The following CAMKMT variants were observed in gnomAD, a reference collection of about 807,000 sequenced individuals.
The protein encoded by CAMKMT is calmodulin-lysine N-methyltransferase.
In CAMKMT, 53 loss-of-function variants were observed where a neutral mutation model predicts 48.0. That is an observed-to-expected ratio of 1.10 (90% confidence interval 0.89 to 1.39). CAMKMT has a LOEUF of 1.39. CAMKMT is among the 40% of genes most tolerant of loss of function. The pLI, the probability that CAMKMT is intolerant of heterozygous loss-of-function variation, is 0.00. For synonymous variants in CAMKMT, 165 were observed against 152.3 expected (o/e 1.08, Z -0.61); for missense variants, 428 against 402.7 (o/e 1.06, Z -0.54).
At chr2:44,477,303 G>A (rs1452812441) in intron 3 of CAMKMT, among the ~76,000 whole-genome samples, 1 of 152,150 alleles carries the variant, frequency 6.6e-6, no homozygotes. Context: ...GGGGTGTACA[G>A]GTGTACCCAC....
At chr2:44,574,384 C>CT (rs1669090032) in intron 3 of CAMKMT, among the ~76,000 whole-genome samples, 1 of 152,114 alleles carries the variant, frequency 6.6e-6, no homozygotes. Context: ...CCCTAATTAT[C>CT]TGATATCTAG....
In CAMKMT at chr2:44,368,572, G is replaced by A. The variant is rs145933290; in HGVS notation, c.139-4144G>A. ...ATGCAGATCATACTAAACTATGTAA[G>A]CCCCTTCCAGTATTATACATGTGGT... On this transcript the variant is annotated intron_variant, in intron 1 of 10. Transcript: ENST00000378494. 9.5e-4 allele frequency among the ~76,000 whole-genome samples: 145 copies of A among 152,222 alleles called. 1 individual carries two copies. The highest frequency in any genetic ancestry group is 3.3e-3 in the African/African-American group (137 of 41,544).
intron 6 of CAMKMT, among the ~76,000 whole-genome samples, 174 bp downstream of exon 6, chr2:44,707,636 G>A (rs189667016): frequency 5.5e-4 from 84 of 152,166 alleles, no homozygotes; most frequent in Non-Finnish European, 9.1e-4. Flanking sequence ...ATACAACTCC[G>A]TAGGTTTTTT....
chr2:44,695,318 T>C (rs1376095795), intron 3 of CAMKMT, among the ~76,000 whole-genome samples: 1 of 152,142 alleles, frequency 6.6e-6, no homozygotes, highest in Admixed American at 6.5e-5. Flanking sequence ...ATAAGAACCT[T>C]GGGATCTCAT....
chr2:44,427,867 GGTTGGCTC>G (rs1684382436), intron 3 of CAMKMT, among the ~76,000 whole-genome samples: 1 of 152,150 alleles, frequency 6.6e-6, no homozygotes. Context: ...CTTGCGACAG[GGTTGGCTC>G]GTTTGCTCAG....
intron 3 of CAMKMT, among the ~76,000 whole-genome samples, chr2:44,523,280 C>T (rs1329493912): frequency 6.7e-6 from 1 of 149,802 alleles, no homozygotes; most frequent in Non-Finnish European, 1.5e-5. Flanking sequence ...CTGCTGGGGT[C>T]AAGGGGACCC....
At chr2:44,679,940 T>G (rs185240736) in intron 3 of CAMKMT, among the ~76,000 whole-genome samples, 1 of 152,360 alleles carries the variant, frequency 6.6e-6, no homozygotes, top group African/African-American at 2.4e-5. Flanking sequence ...TCTAAAAATT[T>G]GAAGGACTTC....
chr2:44,543,052 G>A (rs898818037), intron 3 of CAMKMT, among the ~76,000 whole-genome samples: 1 of 152,130 alleles, frequency 6.6e-6, no homozygotes, highest in Non-Finnish European at 1.5e-5. Flanking sequence ...TCGTTTACTA[G>A]TATCTTTAAC....
chr2:44,736,733 C>T (rs1277996660), intron 7 of CAMKMT, among the ~76,000 whole-genome samples: 1 of 152,020 alleles, frequency 6.6e-6, no homozygotes, highest in Non-Finnish European at 1.5e-5. Flanking sequence ...TAGTTTCTAT[C>T]ACTATGTTTT....
chr2:44,472,187 C>G (rs1403593136), intron 3 of CAMKMT, among the ~76,000 whole-genome samples: 1 of 152,160 alleles, frequency 6.6e-6, no homozygotes. Flanking sequence ...TCTTCTGCCT[C>G]AGCATCCCGA....
intron 9 of CAMKMT, among the ~76,000 whole-genome samples, chr2:44,756,056 C>T (rs2104391967): frequency 6.6e-6 from 1 of 152,342 alleles, no homozygotes; most frequent in East Asian, 1.9e-4. Context: ...GTGGATGGCA[C>T]ATGGACTTAC....
chr2:44,373,263 T>A (rs993429093), intron 2 of CAMKMT, among the ~76,000 whole-genome samples: 1 of 152,150 alleles, frequency 6.6e-6, no homozygotes, highest in African/African-American at 2.4e-5. Context: ...ATCTGAAAAA[T>A]CAAGCTTTGG....
chr2:44,483,490 T>A (rs371715712), intron 3 of CAMKMT, among the ~76,000 whole-genome samples: 1 of 152,104 alleles, frequency 6.6e-6, no homozygotes, highest in Non-Finnish European at 1.5e-5. Flanking sequence ...GTTTAGAGAG[T>A]GTATATGAGT....
At chr2:44,497,112 T>C (rs1353770199) in intron 3 of CAMKMT, among the ~76,000 whole-genome samples, 1 of 152,216 alleles carries the variant, frequency 6.6e-6, no homozygotes, top group African/African-American at 2.4e-5. Flanking sequence ...AAGGCAAATG[T>C]AGTTTTAAAG....
At chr2:44,753,351 C>T (rs1399665227) in intron 8 of CAMKMT, among the ~76,000 whole-genome samples, 1 of 149,368 alleles carries the variant, frequency 6.7e-6, no homozygotes, top group African/African-American at 2.5e-5. Context: ...TGCTTGAGCC[C>T]TGGCATTTGA....
chr2:44,762,268 G>A (rs986627270), intron 9 of CAMKMT, among the ~76,000 whole-genome samples: 16 of 152,312 alleles, frequency 1.1e-4, no homozygotes, highest in Admixed American at 1.0e-3. Flanking sequence ...TGGGAGAATC[G>A]CTTGAGGCCA....
At chr2:44,606,620 G>A (rs1200525655) in intron 3 of CAMKMT, among the ~76,000 whole-genome samples, 2 of 152,050 alleles carry the variant, frequency 1.3e-5, no homozygotes, top group Non-Finnish European at 2.9e-5. Flanking sequence ...TTTTGAAATG[G>A]TAGTGATAAT....
At chr2:44,543,719 T>C (rs1213379153) in intron 3 of CAMKMT, among the ~76,000 whole-genome samples, 2 of 152,204 alleles carry the variant, frequency 1.3e-5, no homozygotes, top group East Asian at 1.9e-4. Flanking sequence ...TTTTACAAGA[T>C]AGAAAATTAG....
chr2:44,663,258 A>G (rs1674775033), intron 3 of CAMKMT, among the ~76,000 whole-genome samples: 1 of 152,202 alleles, frequency 6.6e-6, no homozygotes, highest in South Asian at 2.1e-4. Context: ...ATCTAGGATC[A>G]TGCATTTCAT....
Sources: gnomAD v4.1 joint callset for allele counts (sites outside exome capture counted in the v4.1 genomes callset) on GRCh38, gnomAD v4.1.1 for gene constraint, MANE v1.5 for transcripts, NCBI Gene and HGNC (gene_info 2026-07-23, HGNC 2026-07-21) for gene names.